The following DACH1 variants were observed in gnomAD, a reference collection of about 807,000 sequenced individuals.
The protein encoded by DACH1 is dachshund family transcription factor 1, also known as dachshund homolog 1.
In DACH1, 12 loss-of-function variants were observed where a neutral mutation model predicts 54.2. The observed-to-expected ratio is 0.22, with a 90% CI of 0.14 to 0.36. The LOEUF (loss-of-function observed/expected upper bound fraction) is 0.36. Among genes scored for constraint, DACH1 ranks in the 10% least tolerant of loss-of-function variants. DACH1 has a pLI of 1.00. For synonymous variants in DACH1, 386 were observed against 366.2 expected, an observed-to-expected ratio of 1.05 and a Z score of -0.62; for missense variants, 805 against 929.8, an observed-to-expected ratio of 0.87 and a Z score of 1.75.
At chr13:71,779,271 A>G (rs1472478774) in intron 1 of DACH1, among the ~76,000 whole-genome samples, 1 of 97,172 alleles carries the variant, frequency 1.0e-5, no homozygotes, top group Non-Finnish European at 2.0e-5. Flanking sequence ...ATGTGTATAT[A>G]TACGTATATA....
chr13:71,489,897 T>G (rs1878845875), intron 6 of DACH1, among the ~76,000 whole-genome samples: 1 of 152,154 alleles, frequency 6.6e-6, no homozygotes, highest in South Asian at 2.1e-4. Flanking sequence ...CTAGTCTTAT[T>G]GAATATTCTT....
At chr13:71,589,222 G>T (rs1873515071) in intron 3 of DACH1, among the ~76,000 whole-genome samples, 1 of 151,896 alleles carries the variant, frequency 6.6e-6, no homozygotes, top group Non-Finnish European at 1.5e-5. Context: ...TTAAGGAAAT[G>T]GTGCAGCAAA....
rs565497537 is a variant in DACH1, at chr13:71,477,104, A to AT, written c.1871-1256dup. Among the ~76,000 whole-genome samples the AT allele has an allele frequency of 1.3e-3, 56 of 43,264 alleles. 2 individuals carry two copies. Among genetic ancestry groups the AT allele is most frequent in the African/African-American group, 3.6e-3 (42 of 11,658 alleles). 28.4% of individuals were successfully genotyped at this position (43,264 alleles called of 152,430 possible). A position where few individuals can be genotyped will look rare whatever the true frequency, so the allele number is the denominator to read the frequency against. ...ATTATATATATATATATATATATAT[A>AT]TTTTTTTTTTTTTTTTTTTTTTTTT... On this transcript the variant is annotated intron_variant, in intron 8 of 10. Transcript: ENST00000613252.
At chr13:71,568,442 A>G (rs947721981) in intron 4 of DACH1, among the ~76,000 whole-genome samples, 4 of 152,040 alleles carry the variant, frequency 2.6e-5, no homozygotes, top group African/African-American at 9.7e-5. Flanking sequence ...GGCAACCAAA[A>G]AGATGAAGAA....
At chr13:71,695,037 A>G (rs1429830437) in intron 1 of DACH1, among the ~76,000 whole-genome samples, 1 of 152,236 alleles carries the variant, frequency 6.6e-6, no homozygotes, top group African/African-American at 2.4e-5. Flanking sequence ...GAAAAAAAAT[A>G]GTTTCTTGAT....
rs528403986 is a variant in DACH1 at position 71,833,481 on chromosome 13, A to C, written c.848+32441T>G. 2.0e-5 allele frequency among the ~76,000 whole-genome samples: 3 copies of C among 152,134 alleles called. No individual in the cohort carries two copies. In the South Asian group the frequency reaches 6.2e-4, roughly 32 times the overall value. On this transcript the variant is annotated intron_variant, in intron 1 of 10. Transcript: ENST00000613252. ...CAACGATGTTGATAGACTAAAACAG[A>C]GATTTATAAACATATTGTGTAGCAT... is the stretch of plus-strand genomic sequence containing the variant.
intron 1 of DACH1, among the ~76,000 whole-genome samples, chr13:71,795,046 T>G (rs1886988009): frequency 1.3e-5 from 2 of 152,182 alleles, no homozygotes; most frequent in South Asian, 4.1e-4. Flanking sequence ...AGTTAATTTT[T>G]TATGTTACTG....
chr13:71,549,304 C>T (rs531391809), intron 6 of DACH1, among the ~76,000 whole-genome samples: 1 of 152,078 alleles, frequency 6.6e-6, no homozygotes, highest in African/African-American at 2.4e-5. Flanking sequence ...AAAATATTAT[C>T]TATTTGCACA....
chr13:71,770,099 A>G (rs1233590929), intron 1 of DACH1, among the ~76,000 whole-genome samples: 1 of 151,650 alleles, frequency 6.6e-6, no homozygotes, highest in Non-Finnish European at 1.5e-5. Context: ...TTTATCTTCA[A>G]TTTCTCCATA....
chr13:71,460,245 A>G (rs1008435828), intron 10 of DACH1, among the ~76,000 whole-genome samples: 3 of 152,112 alleles, frequency 2.0e-5, no homozygotes, highest in African/African-American at 7.2e-5. Context: ...AAACTTAAGT[A>G]TATAAACATT....
rs552125770 is a variant in DACH1, at chr13:71,790,666, TC to T, written c.848+75255del. Among the ~76,000 whole-genome samples, 494 of 152,280 alleles carry T rather than the reference TC, an allele frequency of 3.2e-3. 1 individual carries two copies. Among genetic ancestry groups the T allele is most frequent in the Non-Finnish European group, 6.1e-3 (412 of 68,030 alleles). The stretch of plus-strand genomic sequence containing the variant: ...GAAAAATGCATTTCATTTAGTTCAA[TC>T]TCTCTTACATAGAAGAGGTTCTACA... On this transcript the variant is annotated intron_variant, in intron 1 of 10. Coordinates refer to ENST00000613252, the MANE Select transcript of DACH1 (RefSeq NM_080759.6).
intron 4 of DACH1, among the ~76,000 whole-genome samples, chr13:71,571,128 A>ATATT (rs935665454): frequency 2.0e-5 from 3 of 152,152 alleles, no homozygotes; most frequent in African/African-American, 7.2e-5. Flanking sequence ...TCTTACCTAA[A>ATATT]TGAGAGATTT....
intron 3 of DACH1, among the ~76,000 whole-genome samples, chr13:71,607,204 G>A (rs551207934): frequency 2.0e-5 from 3 of 152,002 alleles, no homozygotes; most frequent in Admixed American, 1.3e-4. Flanking sequence ...TTTTATATTT[G>A]TAATAACAAG....
In DACH1 at chr13:71,585,008, T is replaced by G. The variant is rs1221858883; in HGVS notation, c.1127-11996A>C. Reference sequence around the variant, plus strand: ...TGTAATACAACCTACAGTTTATTTTTCTGTATATATTTGAATCATAGAATA... The same window carrying G: ...TGTAATACAACCTACAGTTTATTTTGCTGTATATATTTGAATCATAGAATA... On this transcript the variant is annotated intron_variant, in intron 3 of 10. Coordinates refer to ENST00000613252, the MANE Select transcript of DACH1 (RefSeq NM_080759.6). Among the ~76,000 whole-genome samples the G allele has an allele frequency of 2.0e-5, 3 of 152,296 alleles. No homozygotes were observed. The East Asian group carries it at 5.8e-4, about 29-fold the overall frequency.
At chr13:71,798,970 T>A (rs1167794922) in intron 1 of DACH1, among the ~76,000 whole-genome samples, 1 of 152,134 alleles carries the variant, frequency 6.6e-6, no homozygotes, top group Non-Finnish European at 1.5e-5. Context: ...AGTAGCTTTT[T>A]TCCAACTGTT....
At chr13:71,644,524 T>TA (rs1464509955) in intron 2 of DACH1, among the ~76,000 whole-genome samples, 2 of 152,134 alleles carry the variant, frequency 1.3e-5, no homozygotes, top group African/African-American at 4.8e-5. Flanking sequence ...AGAGTTCATA[T>TA]AAACTGTGAG....
At chr13:71,556,940 G>C in intron 6 of DACH1, 84 bp downstream of exon 6, 2 of 1,329,316 alleles carry the variant, frequency 1.5e-6, no homozygotes, top group Non-Finnish European at 2.0e-6. Flanking sequence ...ACATGATGTA[G>C]AGATAGACTT....
rs1227407652 is a variant in DACH1 at position 71,440,214 on chromosome 13, G to A, written c.*441C>T. ...ACAAGTTCATTCGTTCATTCCAAGT[G>A]TTCTTGCTGGTTTCTGGAGGACATA... On this transcript the variant is annotated 3_prime_UTR_variant, in exon 11 of 11. Transcript: ENST00000613252. 6.5e-6 allele frequency: 1 copy of A among 152,878 alleles called. No individual in the cohort carries two copies. Among genetic ancestry groups the A allele is most frequent in the African/African-American group, 2.4e-5 (1 of 41,206 alleles). The allele number at this position is 152,878 out of a possible 1,614,324, so 9.5% of individuals were successfully genotyped here.
chr13:71,750,171 C>T (rs564193634), intron 1 of DACH1, among the ~76,000 whole-genome samples: 7 of 152,220 alleles, frequency 4.6e-5, no homozygotes, highest in South Asian at 4.1e-4. Flanking sequence ...TCCACTATAC[C>T]GATGTTTAGA....
Sources: allele counts gnomAD v4.1 joint callset (sites outside exome capture counted in the v4.1 genomes callset), GRCh38; gene constraint gnomAD v4.1.1; transcripts MANE v1.5; gene names NCBI Gene and HGNC (gene_info 2026-07-23, HGNC 2026-07-21).